CLASP2: variants seen among roughly 807,000 people sequenced by gnomAD.
CLASP2 encodes CLIP-associating protein 2.
A neutral mutation model predicts 194.4 loss-of-function variants in CLASP2; 47 were observed. The ratio of observed to expected loss-of-function variants is 0.24; its 90% confidence interval spans 0.19 to 0.31. The LOEUF (loss-of-function observed/expected upper bound fraction) is 0.31, where lower values mean the gene tolerates loss of function less well. Ranked by LOEUF, CLASP2 falls within the 10% of genes least tolerant of loss-of-function variation. The pLI is 1.00. For missense variants in CLASP2, 1,445 were observed against 1,823.6 expected, an observed-to-expected ratio of 0.79 and a Z score of 3.78; for synonymous variants, 619 against 633.5, an observed-to-expected ratio of 0.98 and a Z score of 0.34.
intron 7 of CLASP2, among the ~76,000 whole-genome samples, chr3:33,655,216 C>A (rs111609354): frequency 6.6e-6 from 1 of 152,046 alleles, no homozygotes; most frequent in East Asian, 1.9e-4. Flanking sequence ...AACATGTAAA[C>A]CTTTTCTTGA....
Position 33,576,249 on chromosome 3 carries a change from T to G in CLASP2, c.2374A>C (p.Ser792Arg). ...GCACTAACAGAAGACGACAGTCGAC[T>G]TGATTGGCTGATCCCATAACCTGGA... ...LGPGYGISQSSRLSSSVSAMR... is the reference protein window; with the variant it reads ...LGPGYGISQSRRLSSSVSAMR... Residue 792 changes from serine to arginine, a missense_variant, in exon 24 of 39, where the codon AGT becomes CGT. This residue lies in a region of CLASP2 where 732 missense variants were observed against 987.9 expected (regional missense o/e 0.74). Coordinates refer to ENST00000682230, the MANE Select transcript of CLASP2 (RefSeq NM_001365631.1). 1 of 1,613,772 alleles carries G rather than the reference T, an allele frequency of 6.2e-7. No individual in the cohort carries two copies. Among genetic ancestry groups the G allele is most frequent in the Non-Finnish European group, 8.5e-7 (1 of 1,179,728 alleles).
chr3:33,701,588 C>T lies in CLASP2; in HGVS notation c.196-4655G>A, dbSNP rs116437756. Reference sequence around the variant, plus strand: ...TCCAGCCTGGGTAACAGAGTAATACCCTGTCTCAAAAGAACAAACAAATAT... The same window carrying T: ...TCCAGCCTGGGTAACAGAGTAATACTCTGTCTCAAAAGAACAAACAAATAT... On this transcript the variant is annotated intron_variant, in intron 1 of 38. Coordinates refer to ENST00000682230, the MANE Select transcript of CLASP2 (RefSeq NM_001365631.1). 2.3e-3 allele frequency among the ~76,000 whole-genome samples: 343 copies of T among 152,218 alleles called. 3 individuals are homozygous for T. Among genetic ancestry groups the T allele is most frequent in the Non-Finnish European group, 3.6e-3 (248 of 68,014 alleles).
chr3:33,633,526 A>C (rs1356373780), intron 8 of CLASP2, among the ~76,000 whole-genome samples: 1 of 152,164 alleles, frequency 6.6e-6, no homozygotes, highest in Non-Finnish European at 1.5e-5. Flanking sequence ...ATACACAAGA[A>C]GGCAAGAGTC....
rs2061450713 is a variant in CLASP2 at position 33,559,439 on chromosome 3, G to GTA, written c.2931-56_2931-55dup. 24 of 1,000,800 alleles carry GTA rather than the reference G, an allele frequency of 2.4e-5. No homozygotes were observed. The South Asian group carries it at 3.3e-4, about 14-fold the overall frequency. The allele number at this position is 1,000,800 out of a possible 1,614,324, so 62.0% of individuals were successfully genotyped here. On this transcript the variant is annotated intron_variant, in intron 28 of 38. Transcript: ENST00000682230. ...AAAAATTTAGTTAGCAAGTACGCAT[G>GTA]TAACAGCAAAAGACTATGCTTAATA...
intron 13 of CLASP2, among the ~76,000 whole-genome samples, chr3:33,609,019 CCTGTAATCTCAGCACT>C (rs1484586172): frequency 2.0e-4 from 30 of 152,176 alleles, no homozygotes; most frequent in Admixed American, 2.0e-3. Context: ...GTGGTTCATG[CCTGTAATCTCAGCACT>C]TTGGAAGGCT....
At chr3:33,561,135 C>T (rs1011766752) in intron 27 of CLASP2, among the ~76,000 whole-genome samples, 164 bp from the exon 28 acceptor site, 1 of 152,192 alleles carries the variant, frequency 6.6e-6, no homozygotes. Context: ...CTCTGTGATA[C>T]AAGAGTACCT....
At chr3:33,576,578 T>C (rs938446102) in intron 23 of CLASP2, among the ~76,000 whole-genome samples, 1 of 152,172 alleles carries the variant, frequency 6.6e-6, no homozygotes, top group Non-Finnish European at 1.5e-5. Context: ...GTAATCCAGC[T>C]CTATCAGTTC....
chr3:33,608,152 G>A (rs1487842214), intron 14 of CLASP2, among the ~76,000 whole-genome samples: 2 of 152,130 alleles, frequency 1.3e-5, no homozygotes, highest in African/African-American at 4.8e-5. Context: ...AATGACATCT[G>A]ACAGCTGGTG....
At position 33,543,502 on chromosome 3, in the gene CLASP2, C is replaced by A. The variant is rs777152959; in HGVS notation, c.3335G>T (p.Arg1112Leu). The A allele has an allele frequency of 4.3e-6, 7 of 1,613,168 alleles. No individual in the cohort carries two copies. The highest frequency in any genetic ancestry group is 5.9e-6 in the Non-Finnish European group (7 of 1,179,360). ...AGGACTGGACCAGTTAGCTGGTGATCGTGGTGTTGGTCTTGTCAAAGGACT... is the reference window on the plus strand; with the variant it reads ...AGGACTGGACCAGTTAGCTGGTGATAGTGGTGTTGGTCTTGTCAAAGGACT... ...MGSPLTRPTP[R>L]SPANWSSPLT... The change falls in exon 32 of 39, where the codon CGA becomes CTA. Residue 1112 changes from arginine (R) to leucine (L), a missense_variant. Transcript: ENST00000682230.
intron 6 of CLASP2, chr3:33,683,716 C>G (rs1489987603): frequency 6.6e-6 from 1 of 151,876 alleles, no homozygotes; most frequent in East Asian, 1.9e-4. Flanking sequence ...CTGAGGTGGG[C>G]AGATCACTTG....
intron 6 of CLASP2, among the ~76,000 whole-genome samples, chr3:33,669,142 C>A (rs1169596153): frequency 6.6e-6 from 1 of 152,152 alleles, no homozygotes; most frequent in Non-Finnish European, 1.5e-5. Context: ...CATATGTGCA[C>A]ACTTAATTTA....
intron 23 of CLASP2, chr3:33,577,404 C>T: frequency 1.7e-6 from 1 of 601,710 alleles, no homozygotes; most frequent in Non-Finnish European, 2.8e-6. Context: ...CCAAATAGGG[C>T]AATGGAACAT....
intron 5 of CLASP2, 78 bp downstream of exon 5, chr3:33,686,982 T>A: frequency 1.3e-6 from 1 of 798,744 alleles, no homozygotes; most frequent in Non-Finnish European, 1.9e-6. Context: ...TCTTCTTTTT[T>A]AAAAATAGAA....
At chr3:33,691,360 AT>A (rs539587431) in intron 2 of CLASP2, among the ~76,000 whole-genome samples, 107 of 152,360 alleles carry the variant, frequency 7.0e-4, no homozygotes, top group Non-Finnish European at 1.1e-3. Context: ...AAGCCAATCT[AT>A]TATCTATAAT....
At chr3:33,537,681 G>A (rs974995681) in intron 33 of CLASP2, among the ~76,000 whole-genome samples, 2 of 151,964 alleles carry the variant, frequency 1.3e-5, no homozygotes, top group Admixed American at 6.6e-5. Context: ...AAATACTTGA[G>A]AGTCAGTTAC....
rs535095846 is a variant in CLASP2 at position 33,647,816 on chromosome 3, C to T, written c.716-2913G>A. Among the ~76,000 whole-genome samples, 29 of 152,126 alleles carry T rather than the reference C, an allele frequency of 1.9e-4. 1 individual carries two copies. The South Asian group carries it at 4.1e-3, about 22-fold the overall frequency. On this transcript the variant is annotated intron_variant, in intron 7 of 38. Coordinates refer to ENST00000682230, the MANE Select transcript of CLASP2 (RefSeq NM_001365631.1). ...TTGGGAGGCCGAGGCAGGTGGGTGACGAGGTCAGGAGATTGAGACCATCCT... is the reference window on the plus strand; with the variant it reads ...TTGGGAGGCCGAGGCAGGTGGGTGATGAGGTCAGGAGATTGAGACCATCCT...
In CLASP2 at chr3:33,517,172, G is replaced by A; in HGVS notation, c.3790C>T (p.Leu1264Phe). 6.2e-7 allele frequency: 1 copy of A among 1,609,102 alleles called. No homozygotes were observed. Among genetic ancestry groups the A allele is most frequent in the Non-Finnish European group, 8.5e-7 (1 of 1,178,468 alleles). The change falls in exon 35 of 39, where the codon CTT becomes TTT. Residue 1264 changes from leucine to phenylalanine, a missense_variant and splice_region_variant. This residue lies in a region of CLASP2 where 732 missense variants were observed against 987.9 expected (regional missense o/e 0.74). Transcript: ENST00000682230. ...DDDADQFPDD[L>F]SLDHSDLVAE... ...ACTAGGTCAGAATGATCTAGGGAAA[G>A]ATCTGTCAAAAGGACATGGTATTAG...
At position 33,498,550 on chromosome 3, in the gene CLASP2, G is replaced by A. The variant is rs534510361; in HGVS notation, c.*81C>T. On this transcript the variant is annotated 3_prime_UTR_variant, in exon 39 of 39. Transcript: ENST00000682230. ...AACAATAGTAAGTTCCAAAGGATGT[G>A]TTTGAGAACTTCCTTTCATTGATGA... 9.9e-5 allele frequency: 87 copies of A among 878,196 alleles called. 1 individual carries two copies. Among genetic ancestry groups the A allele is most frequent in the South Asian group, 7.6e-4 (49 of 64,224 alleles). The allele number at this position is 878,196 out of a possible 1,614,324, so 54.4% of individuals were successfully genotyped here.
rs1394605463 is a variant in CLASP2 at position 33,577,315 on chromosome 3, A to G, written c.2348-1040T>C. 2.1e-6 allele frequency: 3 copies of G among 1,446,428 alleles called. No individual in the cohort carries two copies. The African/African-American group carries it at 4.2e-5, about 20-fold the overall frequency. 89.6% of individuals were successfully genotyped at this position (1,446,428 alleles called of 1,614,324 possible). Reference sequence around the variant, plus strand: ...TCATCTATTACCACAGAAACAAGGAATAGTGGCAGCACTACTGTCAGGCAA... The same window carrying G: ...TCATCTATTACCACAGAAACAAGGAGTAGTGGCAGCACTACTGTCAGGCAA... On this transcript the variant is annotated intron_variant, in intron 23 of 38. Coordinates refer to ENST00000682230, the MANE Select transcript of CLASP2 (RefSeq NM_001365631.1).
Sources: gnomAD v4.1 joint callset for allele counts (sites outside exome capture counted in the v4.1 genomes callset) on GRCh38, gnomAD v4.1.1 for gene constraint, gnomAD v4.1.1 regional missense constraint, MANE v1.5 for transcripts, NCBI Gene and HGNC (gene_info 2026-07-23, HGNC 2026-07-21) for gene names.